TAF1: variants seen among roughly 807,000 people sequenced by gnomAD.
TAF1 encodes the protein TATA-box binding protein associated factor 1.
A neutral mutation model predicts 138.5 loss-of-function variants in TAF1; 2 were observed. The observed-to-expected ratio is 0.01, with a 90% CI of 0.01 to 0.05. The LOEUF is 0.05. Among genes scored for constraint, TAF1 ranks in the 10% least tolerant of loss-of-function variants. The pLI, the probability that TAF1 is intolerant of heterozygous loss-of-function variation, is 1.00. For missense variants in TAF1, 709 were observed against 1,478.0 expected (o/e 0.48, Z 8.53); for synonymous variants, 437 against 503.2 (o/e 0.87, Z 1.76).
chrX:71,507,345 C>G (rs968589019), intron 13 of TAF1, among the ~76,000 whole-genome samples: 3 of 111,222 alleles, frequency 2.7e-5, no homozygotes, highest in Non-Finnish European at 5.6e-5. Context: ...ACCCTTCCAC[C>G]TCAGCCTCCC....
chrX:71,372,892 A>T (rs184489035), intron 3 of TAF1, among the ~76,000 whole-genome samples: 2,157 of 111,556 alleles, frequency 0.019, 53 homozygotes, highest in African/African-American at 0.067. Flanking sequence ...TTTGAGACAG[A>T]GTCTCGCTCT....
At chrX:71,383,235 T>C in intron 12 of TAF1, 71 bp downstream of exon 12, 1 of 1,034,361 alleles carries the variant, frequency 9.7e-7, no homozygotes, top group Non-Finnish European at 1.3e-6. Context: ...ATGTACCAGG[T>C]ATTAGATTGT....
At chrX:71,436,296 A>G (rs1195554444) in intron 32 of TAF1, among the ~76,000 whole-genome samples, 2 of 101,857 alleles carry the variant, frequency 2.0e-5, no homozygotes, top group African/African-American at 7.3e-5. Context: ...GCTCACTGCA[A>G]GCTCCACCTC....
chrX:71,406,804 T>G, intron 26 of TAF1, 58 bp downstream of exon 26: 1 of 976,043 alleles, frequency 1.0e-6, no homozygotes, highest in Non-Finnish European at 1.4e-6. Flanking sequence ...TCCCCAGCCC[T>G]GTATGCCACA....
At chrX:71,476,175 T>C (rs189157411) in intron 13 of TAF1, among the ~76,000 whole-genome samples, 161 of 112,010 alleles carry the variant, frequency 1.4e-3, no homozygotes, top group African/African-American at 5.1e-3. Flanking sequence ...TGAAAAGATA[T>C]CTTAAATTGA....
chrX:71,407,306 C>T (rs1187912181), intron 26 of TAF1, among the ~76,000 whole-genome samples: 1 of 106,306 alleles, frequency 9.4e-6, no homozygotes, highest in African/African-American at 3.5e-5. Context: ...CACCCTTTGC[C>T]TCCCAGGTTC....
chrX:71,387,574 G>A, intron 15 of TAF1, 113 bp downstream of exon 15: 7 of 879,385 alleles, frequency 8.0e-6, no homozygotes, highest in South Asian at 2.4e-5. Flanking sequence ...CGCGGTGAAT[G>A]GATCACTTGA....
chrX:71,398,509 T>G (rs1569302365), intron 23 of TAF1, 63 bp from the exon 24 acceptor site: 9 of 1,178,880 alleles, frequency 7.6e-6, no homozygotes, highest in Non-Finnish European at 1.0e-5. Context: ...CACGATAGTC[T>G]TCTTGGTTAA....
In TAF1 at chrX:71,404,567, C is replaced by T. The variant is rs1180085031; in HGVS notation, c.3999-2071C>T. Among the ~76,000 whole-genome samples, 6 of 110,762 alleles carry T rather than the reference C, an allele frequency of 5.4e-5. No homozygotes were observed. The Admixed American group carries it at 5.8e-4, about 11-fold the overall frequency. ...GGTCAGGCTGGTCTCGAACTCCCGA[C>T]CTCAGGTGATCTGCCCGCCTCCACC... On this transcript the variant is annotated intron_variant, in intron 25 of 37. Coordinates refer to ENST00000423759, the MANE Select transcript of TAF1 (RefSeq NM_004606.5).
At position 71,431,831 on chromosome X, in the gene TAF1, A is replaced by T. The variant is rs1267951389; in HGVS notation, c.4753+7593A>T. Among the ~76,000 whole-genome samples, 22 of 108,374 alleles carry T rather than the reference A, an allele frequency of 2.0e-4. No homozygotes were observed. The Admixed American group carries it at 2.1e-3, about 10-fold the overall frequency. 94.1% of individuals were successfully genotyped at this position (108,374 alleles called of 115,157 possible). A position where few individuals can be genotyped will look rare whatever the true frequency, so the allele number is the denominator to read the frequency against. ...CTCCGGAGGCTGAGGCAGGAGAATC[A>T]CTTGAATCCGGGAGGTGGAGGTTGC... On this transcript the variant is annotated intron_variant, in intron 32 of 37. Transcript: ENST00000423759.
chrX:71,385,040 A>G lies in TAF1; in HGVS notation c.2217A>G (p.Gln739=). 2 of 1,201,595 alleles carry G rather than the reference A, an allele frequency of 1.7e-6. No individual in the cohort carries two copies. The highest frequency in any genetic ancestry group is 1.8e-5 in the South Asian group (1 of 55,880). Residue 739 remains glutamine (Q), a synonymous_variant, in exon 14 of 38, where the codon CAA becomes CAG. Transcript: ENST00000423759. ...SPFLGSLHPG[Q]LLQAFENNLF... ...TCCTGGGTTCTCTCCATCCTGGCCAATTGCTGCAAGTGAGGAATTCTTTCC... is the reference window on the plus strand; with the variant it reads ...TCCTGGGTTCTCTCCATCCTGGCCAGTTGCTGCAAGTGAGGAATTCTTTCC...
intron 29 of TAF1, 113 bp downstream of exon 29, chrX:71,421,489 A>G: frequency 1.6e-6 from 1 of 614,709 alleles, no homozygotes; most frequent in Non-Finnish European, 2.6e-6. Flanking sequence ...GGAGTAGCAG[A>G]TCTTTAGTAT....
intron 13 of TAF1, among the ~76,000 whole-genome samples, chrX:71,508,086 C>CTCTCTATATATATATATATATA (rs4040068): frequency 6.5e-5 from 6 of 92,181 alleles, no homozygotes; most frequent in African/African-American, 2.6e-4. Context: ...CTCTCTCTCT[C>CTCTCTATATATATATATATATA]TATATATATA....
intron 22 of TAF1, among the ~76,000 whole-genome samples, chrX:71,395,499 T>C (rs773856233): frequency 4.5e-5 from 5 of 110,904 alleles, no homozygotes; most frequent in Admixed American, 9.6e-5. Flanking sequence ...GGTGAGACCC[T>C]GTCTCAAAAG....
In TAF1 at chrX:71,406,729, C is replaced by T; in HGVS notation, c.4090C>T (p.His1364Tyr). The part of the protein sequence containing the change: ...KKKRRVGTTV[H>Y]CDYLNRPHKS... ...GAAACGGCGAGTTGGAACCACTGTTCACTGTGACTATTTGAATGTGAGTAT... is the reference window on the plus strand; with the variant it reads ...GAAACGGCGAGTTGGAACCACTGTTTACTGTGACTATTTGAATGTGAGTAT... The change falls in exon 26 of 38, where the codon CAC (histidine) becomes TAC (tyrosine). Residue 1364 changes from histidine to tyrosine, a missense_variant. By Grantham distance (83) the His-to-Tyr change is moderately conservative. Around this residue, in one of 14 missense-constraint regions of TAF1, gnomAD observed 63 missense variants for 163.3 expected, o/e 0.39. Coordinates refer to ENST00000423759, the MANE Select transcript of TAF1 (RefSeq NM_004606.5). The T allele has an allele frequency of 8.3e-7, 1 of 1,208,046 alleles. No individual in the cohort carries two copies. Among genetic ancestry groups the T allele is most frequent in the Non-Finnish European group, 1.1e-6 (1 of 892,724 alleles).
At chrX:71,424,404 G>T (rs1187842347) in intron 32 of TAF1, among the ~76,000 whole-genome samples, 166 bp downstream of exon 32, 1 of 95,386 alleles carries the variant, frequency 1.0e-5, no homozygotes, top group African/African-American at 3.9e-5. Flanking sequence ...ACACGCCACC[G>T]TGCCAGGCTC....
chrX:71,447,646 G>A (rs1451574169), intron 32 of TAF1, among the ~76,000 whole-genome samples: 1 of 107,061 alleles, frequency 9.3e-6, no homozygotes, highest in East Asian at 2.9e-4. Flanking sequence ...GCAATGAGCA[G>A]AGATCGCGCC....
chrX:71,507,936 C>T (rs1191294723), intron 13 of TAF1, among the ~76,000 whole-genome samples: 1 of 108,842 alleles, frequency 9.2e-6, no homozygotes, highest in East Asian at 2.9e-4. Context: ...TTGCAGTGAG[C>T]CGAGATGGCA....
At chrX:71,449,233 G>A (rs765218917) in intron 32 of TAF1, among the ~76,000 whole-genome samples, 45 of 110,032 alleles carry the variant, frequency 4.1e-4, no homozygotes, top group Non-Finnish European at 6.1e-4. Context: ...CAGGTGATCC[G>A]TCCACCTGGG....
Sources: gnomAD v4.1 joint callset for allele counts (sites outside exome capture counted in the v4.1 genomes callset) on GRCh38, gnomAD v4.1.1 for gene constraint, gnomAD v4.1.1 regional missense constraint, MANE v1.5 for transcripts, NCBI Gene and HGNC (gene_info 2026-07-23, HGNC 2026-07-21) for gene names.